Variants in RANBP2 observed in about 807,000 individuals in gnomAD.
RANBP2 encodes the protein RAN binding protein 2.
RANBP2 carries 57 observed loss-of-function variants against 303.6 expected under a neutral mutation model. The ratio of observed to expected loss-of-function variants is 0.19; its 90% confidence interval spans 0.15 to 0.23. RANBP2 has a LOEUF of 0.23. Among genes scored for constraint, RANBP2 ranks in the 10% least tolerant of loss-of-function variants. RANBP2 has a pLI of 1.00. For missense variants in RANBP2, 3,138 were observed against 3,780.8 expected (o/e 0.83, Z 4.46); for synonymous variants, 1,167 against 1,301.5 (o/e 0.90, Z 2.23).
At chr2:108,844,293 G>A in the RANBP2 span, among the ~76,000 whole-genome samples, 1 of 152,076 alleles carries the variant, frequency 6.6e-6, no homozygotes, top group Non-Finnish European at 1.5e-5. Context: ...AGTTGTTCAG[G>A]TTGGGTGTTT....
chr2:109,653,725 T>C, the RANBP2 span, among the ~76,000 whole-genome samples: 5 of 152,178 alleles, frequency 3.3e-5, no homozygotes, highest in Admixed American at 3.3e-4. Context: ...CTTGAATCTT[T>C]GAATTCCTTC....
the RANBP2 span, among the ~76,000 whole-genome samples, chr2:109,579,323 T>C: frequency 6.6e-6 from 1 of 152,118 alleles, no homozygotes; most frequent in Non-Finnish European, 1.5e-5. Context: ...TTTTTTTTAT[T>C]GGTTAAGTTC....
chr2:109,777,250 A>G, the RANBP2 span, among the ~76,000 whole-genome samples: 1 of 147,890 alleles, frequency 6.8e-6, no homozygotes, highest in Non-Finnish European at 1.5e-5. Flanking sequence ...TTTTAAGCAC[A>G]AAAGGATGTG....
At chr2:109,664,119 T>C in the RANBP2 span, among the ~76,000 whole-genome samples, 26 of 152,304 alleles carry the variant, frequency 1.7e-4, no homozygotes, top group African/African-American at 5.8e-4. Context: ...CATTTACTCC[T>C]CTTCTACTAC....
downstream of RANBP2, chr2:108,788,861 A>ATATCTACTCTGGAGATAAAGTTGGT: frequency 1.9e-6 from 3 of 1,614,082 alleles, no homozygotes; most frequent in Non-Finnish European, 2.5e-6. Context: ...GGTGATTTGG[A>ATATCTACTCTGGAGATAAAGTTGGT]TATCTACTCT....
At chr2:109,702,295 G>T in the RANBP2 span, among the ~76,000 whole-genome samples, 2 of 152,216 alleles carry the variant, frequency 1.3e-5, no homozygotes, top group African/African-American at 4.8e-5. Context: ...GTGGTAGAGG[G>T]CATTAAAGCA....
the RANBP2 span, among the ~76,000 whole-genome samples, chr2:109,167,692 C>G: frequency 6.6e-6 from 1 of 152,186 alleles, no homozygotes; most frequent in Non-Finnish European, 1.5e-5. Context: ...CTACTTCAGC[C>G]TCCCGAGTAG....
In RANBP2 at chr2:108,768,380, C is replaced by T. The variant is rs1350325862; in HGVS notation, c.7841C>T (p.Pro2614Leu). The T allele has an allele frequency of 6.2e-7, 1 of 1,611,386 alleles. No individual in the cohort carries two copies. The highest frequency in any genetic ancestry group is 2.2e-5 in the East Asian group (1 of 44,864). The change falls in exon 20 of 29, where the codon CCA becomes CTA. Residue 2614 changes from proline (P) to leucine (L), a missense_variant. Pro to Leu is a moderately conservative substitution (Grantham distance 98). Transcript: ENST00000283195. ...TCAATCAACTACACATTTAAAACAC[C>T]AGAAAAGGGTAAGTACTTTGTTGTT... ...ESSINYTFKT[P>L]EKAKEKKKPE...
the RANBP2 span, among the ~76,000 whole-genome samples, chr2:109,698,787 C>T: frequency 1.3e-5 from 2 of 151,312 alleles, no homozygotes; most frequent in African/African-American, 4.9e-5. Context: ...ATTAGCTGGG[C>T]GTGGTGGCAC....
the RANBP2 span, among the ~76,000 whole-genome samples, chr2:109,186,351 C>T: frequency 3.9e-5 from 6 of 152,212 alleles, no homozygotes; most frequent in South Asian, 6.2e-4. Flanking sequence ...TGCTGAGGCA[C>T]GGAGAAGTTG....
chr2:109,683,129 C>T, the RANBP2 span, among the ~76,000 whole-genome samples: 1 of 152,162 alleles, frequency 6.6e-6, no homozygotes, highest in African/African-American at 2.4e-5. Flanking sequence ...CCTCACCCTC[C>T]CAAGTAGCTA....
the RANBP2 span, among the ~76,000 whole-genome samples, chr2:108,913,979 G>T: frequency 7.0e-6 from 1 of 143,724 alleles, no homozygotes; most frequent in Non-Finnish European, 1.5e-5. Flanking sequence ...CTAGAAAAGG[G>T]GCCGGGCGCG....
At chr2:109,174,795 C>T in the RANBP2 span, among the ~76,000 whole-genome samples, 1 of 152,178 alleles carries the variant, frequency 6.6e-6, no homozygotes, top group African/African-American at 2.4e-5. Context: ...TGCTGGCAGA[C>T]CCATGAGGGC....
At chr2:109,626,118 C>A in the RANBP2 span, among the ~76,000 whole-genome samples, 1 of 152,188 alleles carries the variant, frequency 6.6e-6, no homozygotes, top group Admixed American at 6.5e-5. Flanking sequence ...CTATAACCTT[C>A]CTGTTCGTCC....
the RANBP2 span, among the ~76,000 whole-genome samples, chr2:109,682,988 C>G: frequency 6.6e-6 from 1 of 152,142 alleles, no homozygotes; most frequent in African/African-American, 2.4e-5. Context: ...TCTCCCTTTT[C>G]CCTAAGAAGG....
chr2:108,970,474 C>A, the RANBP2 span, among the ~76,000 whole-genome samples: 2 of 152,048 alleles, frequency 1.3e-5, no homozygotes, highest in African/African-American at 4.8e-5. Flanking sequence ...TACTGAGACA[C>A]AAGGAGGGCA....
intron 1 of RANBP2, among the ~76,000 whole-genome samples, chr2:108,728,189 T>G (rs1229734698): frequency 6.6e-6 from 1 of 152,200 alleles, no homozygotes; most frequent in Non-Finnish European, 1.5e-5. Flanking sequence ...TTCTTTTGTT[T>G]GTTAAGTGAG....
chr2:109,251,357 G>T, the RANBP2 span: 1 of 586,794 alleles, frequency 1.7e-6, no homozygotes. Context: ...CCGGCCTGCC[G>T]CGGGAGCATG....
the RANBP2 span, among the ~76,000 whole-genome samples, chr2:108,872,007 G>C: frequency 6.6e-6 from 1 of 151,968 alleles, no homozygotes; most frequent in Non-Finnish European, 1.5e-5. Context: ...TCTCTCACAC[G>C]TACTTTGCCC....
Sources: gnomAD v4.1 joint callset for allele counts (sites outside exome capture counted in the v4.1 genomes callset) on GRCh38, gnomAD v4.1.1 for gene constraint, MANE v1.5 for transcripts, NCBI Gene and HGNC (gene_info 2026-07-23, HGNC 2026-07-21) for gene names.